NRG4: variants seen among roughly 807,000 people sequenced by gnomAD.
The protein encoded by NRG4 is pro-neuregulin-4, membrane-bound isoform.
In NRG4, 10 loss-of-function variants were observed where a neutral mutation model predicts 15.0. That is an observed-to-expected ratio of 0.67 (90% CI 0.41 to 1.13). The LOEUF is 1.13. Among genes scored for constraint, NRG4 ranks in the 50% most tolerant of loss-of-function variants. The pLI is 0.00. For missense variants in NRG4, 139 were observed against 140.2 expected, an observed-to-expected ratio of 0.99 and a Z score of 0.04; for synonymous variants, 41 against 50.1, an observed-to-expected ratio of 0.82 and a Z score of 0.77.
chr15:75,959,039 A>C (rs982843104), intron 4 of NRG4: 19 of 267,344 alleles, frequency 7.1e-5, no homozygotes, highest in African/African-American at 4.3e-4. Flanking sequence ...GGAGTGCAGT[A>C]GTGCAGTCAT....
chr15:75,948,603 T>C (rs1299514332), intron 5 of NRG4, among the ~76,000 whole-genome samples: 2 of 151,028 alleles, frequency 1.3e-5, no homozygotes, highest in Non-Finnish European at 3.0e-5. Flanking sequence ...CGCCCGGCCC[T>C]AGTTAATTTT....
intron 3 of NRG4, among the ~76,000 whole-genome samples, chr15:75,981,491 A>AATCCT (rs1215369946): frequency 4.6e-5 from 7 of 152,168 alleles, no homozygotes; most frequent in Admixed American, 3.3e-4. Flanking sequence ...TCCTAGAAGT[A>AATCCT]AGGTGTTTGT....
chr15:75,936,181 T>C (rs1374207273), downstream of NRG4: 1 of 152,218 alleles, frequency 6.6e-6, no homozygotes, highest in Non-Finnish European at 1.5e-5. Flanking sequence ...AGGTTTGCAC[T>C]GCCATAAATT....
rs547553751 is a variant in NRG4 at position 76,019,209 on chromosome 15, C to T, written c.-56-7923G>A. 9.2e-5 allele frequency among the ~76,000 whole-genome samples: 14 copies of T among 152,320 alleles called. No homozygotes were observed. In the South Asian group the frequency reaches 2.9e-3, roughly 32 times the overall value. ...ACCAAGCTCAAGCATCCCAGGTCGACTTCAGACTGCTGTGCTGGCAGCGAG... is the reference window on the plus strand; with the variant it reads ...ACCAAGCTCAAGCATCCCAGGTCGATTTCAGACTGCTGTGCTGGCAGCGAG... On this transcript the variant is annotated intron_variant, in intron 5 of 8. Transcript: ENST00000563910.
At chr15:76,053,054 T>C (rs1698435609) in intron 2 of NRG4, 2 of 151,062 alleles carry the variant, frequency 1.3e-5, no homozygotes, top group Non-Finnish European at 2.9e-5. Flanking sequence ...AAATTTAGAG[T>C]TAGAAAAAAA....
chr15:75,963,777 C>CA (rs71140188), intron 3 of NRG4, among the ~76,000 whole-genome samples: 28,825 of 102,732 alleles, frequency 0.28, 4,374 homozygotes, highest in Non-Finnish European at 0.37. Flanking sequence ...GACTCCATCT[C>CA]AAAAAAAAAA....
At chr15:75,979,184 A>C (rs2033498394) in intron 3 of NRG4, among the ~76,000 whole-genome samples, 1 of 152,176 alleles carries the variant, frequency 6.6e-6, no homozygotes, top group Non-Finnish European at 1.5e-5. Flanking sequence ...TCTTACTAAA[A>C]AAAAATCTTT....
chr15:75,939,118 T>C (rs1348894972), downstream of NRG4: 5 of 151,796 alleles, frequency 3.3e-5, no homozygotes, highest in African/African-American at 1.2e-4. Flanking sequence ...ATATAATAAA[T>C]TGAATAAAGA....
chr15:76,035,700 T>C (rs2035582242), intron 5 of NRG4, among the ~76,000 whole-genome samples: 1 of 152,184 alleles, frequency 6.6e-6, no homozygotes. Context: ...AACTCTGCTT[T>C]TCATGGACTC....
intron 3 of NRG4, among the ~76,000 whole-genome samples, chr15:75,966,779 G>A (rs1357161807): frequency 6.6e-6 from 1 of 152,068 alleles, no homozygotes; most frequent in East Asian, 1.9e-4. Context: ...AATCAAAAAT[G>A]AAACTATTAG....
intron 5 of NRG4, among the ~76,000 whole-genome samples, chr15:75,946,745 A>C (rs568931644): frequency 6.8e-4 from 104 of 152,292 alleles, no homozygotes; most frequent in Non-Finnish European, 1.3e-3. Context: ...GGTGACCACC[A>C]TTCTACTTTC....
chr15:76,029,231 C>T (rs2035404576), intron 5 of NRG4, among the ~76,000 whole-genome samples: 1 of 152,104 alleles, frequency 6.6e-6, no homozygotes, highest in African/African-American at 2.4e-5. Context: ...CAGAAAAGAG[C>T]ATTTGATAAA....
intron 2 of NRG4, among the ~76,000 whole-genome samples, chr15:76,053,852 T>C (rs1278369255): frequency 6.6e-6 from 1 of 151,102 alleles, no homozygotes; most frequent in Non-Finnish European, 1.5e-5. Context: ...GGTTTTAAAA[T>C]AGCTTAATTA....
chr15:75,938,894 A>G (rs1315179880), downstream of NRG4: 1 of 152,188 alleles, frequency 6.6e-6, no homozygotes, highest in Non-Finnish European at 1.5e-5. Flanking sequence ...TCAAAGAAGA[A>G]ATCACAAGGG....
chr15:75,956,666 G>A (rs1013767985), intron 4 of NRG4, among the ~76,000 whole-genome samples: 10 of 152,034 alleles, frequency 6.6e-5, no homozygotes, highest in African/African-American at 1.2e-4. Flanking sequence ...CTCCTATTCC[G>A]GAGACACTAC....
intron 1 of NRG4, among the ~76,000 whole-genome samples, chr15:76,011,819 C>T (rs1052107763): frequency 6.6e-6 from 1 of 151,972 alleles, no homozygotes; most frequent in Non-Finnish European, 1.5e-5. Flanking sequence ...AACAAACCTG[C>T]ACGTCCTGCA....
At chr15:75,999,962 C>A (rs1238510605) in intron 3 of NRG4, among the ~76,000 whole-genome samples, 1 of 152,204 alleles carries the variant, frequency 6.6e-6, no homozygotes, top group Non-Finnish European at 1.5e-5. Flanking sequence ...CGGCTCACTG[C>A]AACCTCTGCC....
rs147313854 is a variant in NRG4 at position 76,006,984 on chromosome 15, G to A, written c.104+2216C>T. Among the ~76,000 whole-genome samples, 8 of 152,026 alleles carry A rather than the reference G, an allele frequency of 5.3e-5. No individual in the cohort carries two copies. The East Asian group carries it at 1.2e-3, about 22-fold the overall frequency. Reference sequence around the variant, plus strand: ...ACTCTGTCCACAATGCCATTAAATCGGATATAAATATAAAAGGATAGGAAA... The same window carrying A: ...ACTCTGTCCACAATGCCATTAAATCAGATATAAATATAAAAGGATAGGAAA... On this transcript the variant is annotated intron_variant, in intron 3 of 5. Transcript: ENST00000394907.
intron 5 of NRG4, among the ~76,000 whole-genome samples, chr15:75,950,208 T>TAC (rs1237357890): frequency 1.3e-5 from 2 of 152,252 alleles, no homozygotes; most frequent in Non-Finnish European, 2.9e-5. Flanking sequence ...TATGCTTATG[T>TAC]ACTTAATACA....
Sources: allele counts gnomAD v4.1 joint callset (sites outside exome capture counted in the v4.1 genomes callset), GRCh38; gene constraint gnomAD v4.1.1; transcripts MANE v1.5; gene names NCBI Gene and HGNC (gene_info 2026-07-23, HGNC 2026-07-21).